The following CHSY3 variants were observed in gnomAD, a reference collection of about 807,000 sequenced individuals.
CHSY3 encodes the protein chondroitin sulfate synthase 3, also known as N-acetylgalactosaminyl-proteoglycan 3-beta-glucuronosyltransferase 3.
CHSY3 carries 35 observed loss-of-function variants against 67.2 expected under a neutral mutation model. The observed-to-expected ratio is 0.52, with a 90% CI of 0.40 to 0.69. The LOEUF is 0.69. CHSY3 is among the 30% of genes least tolerant of loss of function. The pLI is 0.00. For missense variants in CHSY3, 1,069 were observed against 1,138.5 expected, an observed-to-expected ratio of 0.94 and a Z score of 0.88; for synonymous variants, 474 against 434.7, an observed-to-expected ratio of 1.09 and a Z score of -1.12.
intron 2 of CHSY3, among the ~76,000 whole-genome samples, chr5:129,960,779 C>T (rs906039769): frequency 6.6e-6 from 1 of 151,820 alleles, no homozygotes; most frequent in Non-Finnish European, 1.5e-5. Flanking sequence ...ATTTTTCCTG[C>T]AAAATTAACA....
intron 2 of CHSY3, among the ~76,000 whole-genome samples, chr5:130,122,768 AATAAG>A (rs1768087992): frequency 1.3e-5 from 2 of 152,256 alleles, no homozygotes; most frequent in Non-Finnish European, 2.9e-5. Context: ...GTCAGCCAGG[AATAAG>A]CTTGTTAAAG....
chr5:130,176,095 C>T (rs1048763136), intron 2 of CHSY3, among the ~76,000 whole-genome samples: 2 of 152,140 alleles, frequency 1.3e-5, no homozygotes, highest in African/African-American at 2.4e-5. Context: ...TTATTGCAAT[C>T]TATCCAGCTG....
rs553251116 is a variant in CHSY3, at chr5:129,930,516, G to C, written c.1086+22156G>C. Among the ~76,000 whole-genome samples the C allele has an allele frequency of 6.7e-4, 97 of 145,226 alleles. 4 individuals carry two copies. The highest frequency in any genetic ancestry group is 1.4e-3 in the African/African-American group (57 of 39,850). On this transcript the variant is annotated intron_variant, in intron 2 of 2. Coordinates refer to ENST00000305031, the MANE Select transcript of CHSY3 (RefSeq NM_175856.5). The stretch of plus-strand genomic sequence containing the variant: ...AAAGGAGGCATCACTGGCGGGGGGG[G>C]GGTATGAAGTTTTGCCTGGAGGACT...
chr5:130,141,941 G>T, intron 2 of CHSY3: 2 of 220,082 alleles, frequency 9.1e-6, no homozygotes, highest in South Asian at 1.2e-4. Context: ...CCATTGAAGA[G>T]GCTGACTAAG....
intron 2 of CHSY3, among the ~76,000 whole-genome samples, chr5:130,021,770 G>A (rs1186087640): frequency 1.3e-5 from 2 of 152,126 alleles, no homozygotes; most frequent in African/African-American, 2.4e-5. Context: ...TTTAGAAAAT[G>A]TGAGAGGAGC....
intron 2 of CHSY3, among the ~76,000 whole-genome samples, chr5:129,981,868 TC>T (rs999247981): frequency 6.6e-6 from 1 of 151,962 alleles, no homozygotes; most frequent in Non-Finnish European, 1.5e-5. Flanking sequence ...GTACAGTAAG[TC>T]CCCCCCTTTT....
rs981775245 is a variant in CHSY3, at chr5:130,185,978, C to T, written c.*187C>T. 3.2e-5 allele frequency: 11 copies of T among 343,352 alleles called. No individual in the cohort carries two copies. In the Admixed American group the frequency reaches 4.2e-4, roughly 13 times the overall value. 21.3% of individuals were successfully genotyped at this position (343,352 alleles called of 1,614,324 possible). A position where few individuals can be genotyped will look rare whatever the true frequency, so the allele number is the denominator to read the frequency against. The stretch of plus-strand genomic sequence containing the variant: ...GTTGACCTCAAGCAAGAAGAGTCTG[C>T]AGTTCACTGATGTTTCAGATTTCTA... On this transcript the variant is annotated 3_prime_UTR_variant, in exon 3 of 3. Transcript: ENST00000305031.
chr5:129,957,864 T>C (rs1762223012), intron 2 of CHSY3, among the ~76,000 whole-genome samples: 1 of 152,026 alleles, frequency 6.6e-6, no homozygotes, highest in South Asian at 2.1e-4. Context: ...TTCTATTGTT[T>C]CCTTGATTTT....
intron 2 of CHSY3, among the ~76,000 whole-genome samples, chr5:130,039,561 T>C (rs1263826269): frequency 7.8e-6 from 1 of 128,176 alleles, no homozygotes; most frequent in African/African-American, 2.7e-5. Context: ...CCAGTTTGTA[T>C]AAACTTTTGT....
chr5:130,046,554 G>A (rs1224217808), intron 2 of CHSY3, among the ~76,000 whole-genome samples: 1 of 152,078 alleles, frequency 6.6e-6, no homozygotes. Flanking sequence ...TTATTGTTTA[G>A]TGGAGACAAT....
chr5:129,983,154 A>G (rs1763069633), intron 2 of CHSY3, among the ~76,000 whole-genome samples: 1 of 152,102 alleles, frequency 6.6e-6, no homozygotes, highest in South Asian at 2.1e-4. Flanking sequence ...AGTATAATTG[A>G]CGATGTTTGT....
chr5:130,144,042 A>G (rs774083803), intron 2 of CHSY3, among the ~76,000 whole-genome samples: 10 of 151,092 alleles, frequency 6.6e-5, no homozygotes, highest in Non-Finnish European at 1.3e-4. Flanking sequence ...TAGGGTGTCT[A>G]GAGATTGATT....
At chr5:129,948,368 T>C (rs149086583) in intron 2 of CHSY3, among the ~76,000 whole-genome samples, 1 of 152,248 alleles carries the variant, frequency 6.6e-6, no homozygotes, top group Admixed American at 6.5e-5. Flanking sequence ...CAAAAATCCA[T>C]TGTATTGTTC....
At chr5:130,092,327 C>T (rs148247318) in intron 2 of CHSY3, among the ~76,000 whole-genome samples, 1,859 of 152,272 alleles carry the variant, frequency 0.012, 69 homozygotes, top group Admixed American at 0.054. Context: ...ATGCCATACA[C>T]AGAAAGCATT....
intron 2 of CHSY3, among the ~76,000 whole-genome samples, chr5:129,998,447 A>C (rs560087057): frequency 6.6e-6 from 1 of 152,214 alleles, no homozygotes; most frequent in Non-Finnish European, 1.5e-5. Flanking sequence ...TACAATAATT[A>C]TTATGGTAAA....
chr5:130,098,373 C>T (rs1050402554), intron 2 of CHSY3, among the ~76,000 whole-genome samples: 3 of 152,168 alleles, frequency 2.0e-5, no homozygotes, highest in Non-Finnish European at 4.4e-5. Flanking sequence ...ATCTGCCAAA[C>T]CTTAATCTGT....
chr5:129,976,084 A>C (rs193026305), intron 2 of CHSY3, among the ~76,000 whole-genome samples: 17 of 152,232 alleles, frequency 1.1e-4, no homozygotes, highest in Non-Finnish European at 2.5e-4. Context: ...ATTCAAGAAG[A>C]TCAGCTGTTT....
intron 2 of CHSY3, among the ~76,000 whole-genome samples, chr5:129,953,428 T>G (rs976039833): frequency 3.3e-5 from 5 of 152,152 alleles, no homozygotes; most frequent in African/African-American, 4.8e-5. Context: ...TGAATAGCGC[T>G]GCAATAAACA....
At chr5:130,033,639 A>C (rs769879650) in intron 2 of CHSY3, among the ~76,000 whole-genome samples, 1 of 152,200 alleles carries the variant, frequency 6.6e-6, no homozygotes, top group Non-Finnish European at 1.5e-5. Context: ...TTTTATGTAC[A>C]AGAAACAAAC....
Sources: allele counts gnomAD v4.1 joint callset (sites outside exome capture counted in the v4.1 genomes callset), GRCh38; gene constraint gnomAD v4.1.1; transcripts MANE v1.5; gene names NCBI Gene and HGNC (gene_info 2026-07-23, HGNC 2026-07-21).